SHROOM3: variants seen among roughly 807,000 people sequenced by gnomAD.
SHROOM3 encodes the protein shroom family member 3.
Under a neutral mutation model 138.6 loss-of-function variants are expected in SHROOM3, and 47 were observed. That is an observed-to-expected ratio of 0.34 (90% CI 0.27 to 0.43). The LOEUF (loss-of-function observed/expected upper bound fraction) is 0.43, where lower values mean the gene tolerates loss of function less well. Ranked by LOEUF, SHROOM3 falls within the 20% of genes least tolerant of loss-of-function variation. The pLI is 1.00. For synonymous variants in SHROOM3, 1,062 were observed against 1,063.3 expected (o/e 1.00, Z 0.02); for missense variants, 2,491 against 2,596.5 (o/e 0.96, Z 0.88).
chr4:76,778,920 T>A lies in SHROOM3; in HGVS notation c.5734T>A (p.Tyr1912Asn), dbSNP rs773574515. Residue 1912 changes from tyrosine (Y) to asparagine (N), a missense_variant, in exon 11 of 11, where the codon TAC (tyrosine) becomes AAC (asparagine). By Grantham distance (143) the Tyr-to-Asn change is moderately radical (BLOSUM62 -2). This residue lies in a region of SHROOM3 where 470 missense variants were observed against 595.0 expected (regional missense o/e 0.79). Coordinates refer to ENST00000296043, the MANE Select transcript of SHROOM3 (RefSeq NM_020859.4). ...AGTAGTGCTGGGCATCTTGGCCAATTACCTTTCAGAGGAGCAGCTCCAGGA... is the reference window on the plus strand; with the variant it reads ...AGTAGTGCTGGGCATCTTGGCCAATAACCTTTCAGAGGAGCAGCTCCAGGA... Reference protein sequence around the residue: ...ERVVLGILANYLSEEQLQDYQ... With the variant: ...ERVVLGILANNLSEEQLQDYQ... 1 of 1,613,764 alleles carries A rather than the reference T, an allele frequency of 6.2e-7. No homozygotes were observed. Among genetic ancestry groups the A allele is most frequent in the Non-Finnish European group, 8.5e-7 (1 of 1,180,028 alleles).
intron 1 of SHROOM3, among the ~76,000 whole-genome samples, chr4:76,546,257 T>C (rs954383933): frequency 5.3e-5 from 8 of 152,268 alleles, no homozygotes; most frequent in Admixed American, 1.3e-4. Flanking sequence ...CCTAACCCAG[T>C]TTACTTTCTT....
chr4:76,775,735 CACATACTA>C (rs1390616773), intron 10 of SHROOM3, among the ~76,000 whole-genome samples: 45 of 150,556 alleles, frequency 3.0e-4, no homozygotes, highest in African/African-American at 1.0e-3. Flanking sequence ...CACATATATA[CACATACTA>C]TATATATACA....
chr4:76,779,176 A>G lies in SHROOM3; in HGVS notation c.5990A>G (p.Ter1997=), dbSNP rs770034390. 9 of 1,599,504 alleles carry G rather than the reference A, an allele frequency of 5.6e-6. No individual in the cohort carries two copies. Among genetic ancestry groups the G allele is most frequent in the Non-Finnish European group, 5.1e-6 (6 of 1,172,306 alleles). The change falls in exon 11 of 11, where the codon TAA becomes TGA. Residue 1997 remains the stop codon, a stop_retained_variant. Coordinates refer to ENST00000296043, the MANE Select transcript of SHROOM3 (RefSeq NM_020859.4). Reference sequence around the variant, plus strand: ...TTCCCAACATTAACCTCTCCACTTTAACCTCTTCTAAAATACCCAACCAAA... The same window carrying G: ...TTCCCAACATTAACCTCTCCACTTTGACCTCTTCTAAAATACCCAACCAAA... ...GIFPTLTSPL[*] is the part of the protein sequence containing the mutation.
chr4:76,506,795 T>C (rs879229366), intron 1 of SHROOM3, among the ~76,000 whole-genome samples: 1 of 152,196 alleles, frequency 6.6e-6, no homozygotes, highest in Non-Finnish European at 1.5e-5. Context: ...GTTTTATGGA[T>C]CTTCTTCATT....
At chr4:76,652,753 C>T (rs1325117864) in intron 2 of SHROOM3, among the ~76,000 whole-genome samples, 1 of 33,140 alleles carries the variant, frequency 3.0e-5, no homozygotes, top group Non-Finnish European at 5.9e-5. Context: ...TTGAGTCTCC[C>T]TCTCTCTCTC....
chr4:76,503,564 G>A (rs1471032090), intron 1 of SHROOM3, among the ~76,000 whole-genome samples: 1 of 152,110 alleles, frequency 6.6e-6, no homozygotes, highest in Non-Finnish European at 1.5e-5. Flanking sequence ...AGGTAGCTGG[G>A]ATTACAGACG....
At chr4:76,752,750 A>G (rs1241507085) in intron 6 of SHROOM3, among the ~76,000 whole-genome samples, 1 of 152,224 alleles carries the variant, frequency 6.6e-6, no homozygotes, top group Non-Finnish European at 1.5e-5. Flanking sequence ...GTTTGTGTAA[A>G]CTAAGGTCAC....
chr4:76,759,394 A>G, intron 8 of SHROOM3, 151 bp from the exon 9 acceptor site: 1 of 1,046,042 alleles, frequency 9.6e-7, no homozygotes, highest in African/African-American at 1.6e-5. Flanking sequence ...CATAGTAATC[A>G]CTCATTAGTT....
intron 1 of SHROOM3, among the ~76,000 whole-genome samples, chr4:76,526,933 G>A (rs1020870831): frequency 2.0e-5 from 3 of 152,148 alleles, no homozygotes; most frequent in African/African-American, 4.8e-5. Flanking sequence ...TTGTTCTCAC[G>A]GAGTCACCCA....
At chr4:76,674,056 A>G (rs1718958328) in intron 2 of SHROOM3, among the ~76,000 whole-genome samples, 1 of 151,760 alleles carries the variant, frequency 6.6e-6, no homozygotes, top group Non-Finnish European at 1.5e-5. Flanking sequence ...TTTCTTTTGT[A>G]GAGACAGGGG....
intron 2 of SHROOM3, among the ~76,000 whole-genome samples, chr4:76,610,877 G>A (rs1020603935): frequency 2.0e-5 from 3 of 152,122 alleles, no homozygotes; most frequent in Non-Finnish European, 2.9e-5. Context: ...CCAGCTGGGG[G>A]GTTAAGATTC....
intron 2 of SHROOM3, among the ~76,000 whole-genome samples, chr4:76,570,734 C>T (rs1357495656): frequency 6.6e-6 from 1 of 152,138 alleles, no homozygotes; most frequent in Non-Finnish European, 1.5e-5. Flanking sequence ...TCAGAAAAGG[C>T]GAACTTATCT....
intron 5 of SHROOM3, among the ~76,000 whole-genome samples, chr4:76,746,192 A>G (rs892022165): frequency 6.6e-6 from 1 of 152,202 alleles, no homozygotes; most frequent in Non-Finnish European, 1.5e-5. Context: ...GAGGCTGGGA[A>G]TGGGGAAACA....
At chr4:76,522,493 G>A (rs1057060739) in intron 1 of SHROOM3, among the ~76,000 whole-genome samples, 3 of 152,018 alleles carry the variant, frequency 2.0e-5, no homozygotes, top group Admixed American at 2.0e-4. Context: ...GCTCTGACCA[G>A]GTTGCTTCTC....
intron 1 of SHROOM3, among the ~76,000 whole-genome samples, chr4:76,539,730 T>C (rs538136994): frequency 6.6e-6 from 1 of 152,310 alleles, no homozygotes; most frequent in African/African-American, 2.4e-5. Flanking sequence ...GGGGGCCAGA[T>C]TTGAACCCAG....
chr4:76,669,313 A>AAAC, intron 2 of SHROOM3, among the ~76,000 whole-genome samples: 1 of 152,044 alleles, frequency 6.6e-6, no homozygotes, highest in East Asian at 1.9e-4. Flanking sequence ...AAATTACTCT[A>AAAC]AAACAAACAA....
At chr4:76,598,237 A>G (rs937720840) in intron 2 of SHROOM3, among the ~76,000 whole-genome samples, 5 of 151,974 alleles carry the variant, frequency 3.3e-5, no homozygotes, top group African/African-American at 1.2e-4. Context: ...CGTGTTAGCC[A>G]GGATGGTCTC....
intron 3 of SHROOM3, among the ~76,000 whole-genome samples, chr4:76,726,601 G>C (rs991255555): frequency 1.3e-5 from 2 of 150,420 alleles, no homozygotes; most frequent in African/African-American, 4.9e-5. Flanking sequence ...CAATGCAGTG[G>C]CACACAGTCA....
At chr4:76,607,497 G>A (rs1206093958) in intron 2 of SHROOM3, among the ~76,000 whole-genome samples, 1 of 152,122 alleles carries the variant, frequency 6.6e-6, no homozygotes, top group African/African-American at 2.4e-5. Context: ...TTGTTATGGT[G>A]GCTCTGGGGA....
Sources: allele counts gnomAD v4.1 joint callset (sites outside exome capture counted in the v4.1 genomes callset), GRCh38; gene constraint gnomAD v4.1.1; regional missense constraint gnomAD v4.1.1; transcripts MANE v1.5; gene names NCBI Gene and HGNC (gene_info 2026-07-23, HGNC 2026-07-21).